The following ALMS1 variants were observed in gnomAD, a reference collection of about 807,000 sequenced individuals.
ALMS1 encodes the protein centrosome-associated protein ALMS1.
Under a neutral mutation model 352.2 loss-of-function variants are expected in ALMS1, and 271 were observed. The observed-to-expected ratio is 0.77, with a 90% CI of 0.70 to 0.85. The LOEUF (loss-of-function observed/expected upper bound fraction) is 0.85, where lower values mean the gene tolerates loss of function less well. Among genes scored for constraint, ALMS1 ranks in the 40% least tolerant of loss-of-function variants. The pLI is 0.00. For synonymous variants in ALMS1, 1,865 were observed against 1,761.2 expected, an observed-to-expected ratio of 1.06 and a Z score of -1.48; for missense variants, 5,445 against 4,870.7, an observed-to-expected ratio of 1.12 and a Z score of -3.51.
At chr2:73,609,147 C>T (rs1282121358) in intron 22 of ALMS1, among the ~76,000 whole-genome samples, 1 of 152,236 alleles carries the variant, frequency 6.6e-6, no homozygotes, top group Admixed American at 6.5e-5. Flanking sequence ...CCATATACTT[C>T]ACTGTAGTTG....
chr2:73,485,338 G>C (rs1024498363), intron 9 of ALMS1, among the ~76,000 whole-genome samples: 6 of 152,092 alleles, frequency 3.9e-5, no homozygotes, highest in African/African-American at 1.2e-4. Context: ...CCTGCCGTGT[G>C]AGGTGTCAGT....
At chr2:73,400,078 C>T (rs1670843674) in intron 1 of ALMS1, among the ~76,000 whole-genome samples, 1 of 151,896 alleles carries the variant, frequency 6.6e-6, no homozygotes, top group Non-Finnish European at 1.5e-5. Flanking sequence ...ACTGGGACCA[C>T]AGGCATGTGC....
intron 20 of ALMS1, among the ~76,000 whole-genome samples, chr2:73,602,581 C>T (rs970096592): frequency 6.6e-6 from 1 of 152,220 alleles, no homozygotes; most frequent in African/African-American, 2.4e-5. Context: ...TTACTCTAAG[C>T]CCTGTCACTG....
intron 2 of ALMS1, among the ~76,000 whole-genome samples, chr2:73,411,496 G>A (rs951041123): frequency 2.0e-5 from 3 of 152,090 alleles, no homozygotes; most frequent in African/African-American, 7.2e-5. Flanking sequence ...TTCTCTGAGG[G>A]CATATTTTTG....
intron 10 of ALMS1, among the ~76,000 whole-genome samples, chr2:73,516,752 CT>C (rs1485554777): frequency 2.0e-5 from 3 of 152,194 alleles, no homozygotes; most frequent in Admixed American, 2.0e-4. Context: ...CATTAGTACT[CT>C]TGCAAATAAT....
intron 11 of ALMS1, 148 bp from the exon 12 acceptor site, chr2:73,534,676 T>C: frequency 1.3e-6 from 1 of 751,720 alleles, no homozygotes; most frequent in South Asian, 1.8e-5. Context: ...ATTCTCATTC[T>C]TCTTGAAGGC....
chr2:73,390,937 A>G (rs1369677427), intron 1 of ALMS1, among the ~76,000 whole-genome samples: 1 of 151,388 alleles, frequency 6.6e-6, no homozygotes, highest in Admixed American at 6.6e-5. Context: ...TGCCCAGCTA[A>G]TTTTTGTATT....
chr2:73,495,775 C>T (rs930954325), intron 10 of ALMS1, among the ~76,000 whole-genome samples: 1 of 152,070 alleles, frequency 6.6e-6, no homozygotes, highest in African/African-American at 2.4e-5. Flanking sequence ...AGTACAGATC[C>T]ACAAGGTTGA....
chr2:73,451,872 C>T lies in ALMS1; in HGVS notation c.5345C>T (p.Ala1782Val), dbSNP rs768400824. Residue 1782 changes from alanine (A) to valine (V), a missense_variant, in exon 8 of 23, where the codon GCT (alanine) becomes GTT (valine). Transcript: ENST00000613296. ...CCAGATAGTCATCTAACTGAAGAGG[C>T]TCTGAAAGTTTCAAATGTTCCTGGA... ...ELPDSHLTEE[A>V]LKVSNVPGPA... 9.3e-6 allele frequency: 15 copies of T among 1,613,542 alleles called. 1 individual carries two copies. The highest frequency in any genetic ancestry group is 2.2e-5 in the South Asian group (2 of 91,058).
At chr2:73,479,257 A>AT (rs1672646178) in intron 9 of ALMS1, among the ~76,000 whole-genome samples, 1 of 152,230 alleles carries the variant, frequency 6.6e-6, no homozygotes, top group South Asian at 2.1e-4. Flanking sequence ...AACATCTTGC[A>AT]TAACTGTGGT....
intron 9 of ALMS1, among the ~76,000 whole-genome samples, chr2:73,480,622 C>T (rs1405112850): frequency 6.6e-6 from 1 of 151,480 alleles, no homozygotes; most frequent in African/African-American, 2.4e-5. Context: ...AATGGTATTT[C>T]TAGTTCTAGA....
In ALMS1 at chr2:73,497,586, C is replaced by T. The variant is rs143926598; in HGVS notation, c.9539+6088C>T. 1.4e-3 allele frequency among the ~76,000 whole-genome samples: 211 copies of T among 151,914 alleles called. 4 individuals are homozygous for T. In the South Asian group the frequency reaches 0.02, roughly 15 times the overall value. ...CTGTACTCTATGAAGTGTATAATAGCGTTATGTCTAAAAAAATGTACCTAC... is the reference window on the plus strand; with the variant it reads ...CTGTACTCTATGAAGTGTATAATAGTGTTATGTCTAAAAAAATGTACCTAC... On this transcript the variant is annotated intron_variant, in intron 10 of 22. Coordinates refer to ENST00000613296, the MANE Select transcript of ALMS1 (RefSeq NM_001378454.1).
At position 73,484,406 on chromosome 2, in the gene ALMS1, C is replaced by G. The variant is rs762505995; in HGVS notation, c.7675-5228C>G. On this transcript the variant is annotated intron_variant, in intron 9 of 22. Transcript: ENST00000613296. Reference sequence around the variant, plus strand: ...TAAGAATGTTGAATATTGGCCCCCACTCTCTTCTGGCTTATAGGGTTTCTG... The same window carrying G: ...TAAGAATGTTGAATATTGGCCCCCAGTCTCTTCTGGCTTATAGGGTTTCTG... Among the ~76,000 whole-genome samples, 1,390 of 151,436 alleles carry G rather than the reference C, an allele frequency of 9.2e-3. 8 individuals carry two copies. The highest frequency in any genetic ancestry group is 0.016 in the Non-Finnish European group (1,060 of 67,826).
intron 15 of ALMS1, among the ~76,000 whole-genome samples, chr2:73,563,829 C>T (rs1416287556): frequency 5.3e-5 from 8 of 150,168 alleles, no homozygotes; most frequent in South Asian, 2.1e-4. Flanking sequence ...GGGGATTGGA[C>T]GGTGGAATTT....
In ALMS1 at chr2:73,573,096, C is replaced by T. The variant is rs948097402; in HGVS notation, c.11219C>T (p.Ser3740Leu). 6.2e-7 allele frequency: 1 copy of T among 1,613,924 alleles called. No homozygotes were observed. Among genetic ancestry groups the T allele is most frequent in the African/African-American group, 1.3e-5 (1 of 74,914 alleles). Residue 3740 changes from serine to leucine, a missense_variant, in exon 16 of 23, where the codon TCA becomes TTA. Physicochemically the swap from Ser to Leu is moderately radical, Grantham distance 145. Coordinates refer to ENST00000613296, the MANE Select transcript of ALMS1 (RefSeq NM_001378454.1). Reference protein sequence around the residue: ...ISNTSSDCRPSEESELLTDTT... With the variant: ...ISNTSSDCRPLEESELLTDTT... Reference sequence around the variant, plus strand: ...AACACTTCTTCGGATTGTCGGCCCTCAGAGGAGAGTGAGCTGCTCACAGAT... The same window carrying T: ...AACACTTCTTCGGATTGTCGGCCCTTAGAGGAGAGTGAGCTGCTCACAGAT...
chr2:73,606,046 A>T (rs961244083), intron 21 of ALMS1, among the ~76,000 whole-genome samples: 5 of 152,192 alleles, frequency 3.3e-5, no homozygotes, highest in African/African-American at 4.8e-5. Flanking sequence ...AGAAGCAGAT[A>T]CAAGTCCAGC....
intron 1 of ALMS1, among the ~76,000 whole-genome samples, chr2:73,389,644 C>T (rs888950571): frequency 2.0e-5 from 3 of 152,130 alleles, no homozygotes; most frequent in African/African-American, 7.2e-5. Flanking sequence ...CCCTCTTTTA[C>T]TACAGCCAAT....
At chr2:73,519,635 T>A (rs2103961464) in intron 10 of ALMS1, 140 bp from the exon 11 acceptor site, 1 of 1,074,240 alleles carries the variant, frequency 9.3e-7, no homozygotes, top group East Asian at 2.5e-5. Context: ...AAATTTTACC[T>A]TAATAACGTT....
Position 73,484,039 on chromosome 2 carries a change from T to G in ALMS1, c.7675-5595T>G, listed in dbSNP as rs765102920. ...TGACTCTTTATCCAATTTGCCAGTC[T>G]TTGCCTTTTAATTGGAGCATTTAGT... is the stretch of plus-strand genomic sequence containing the variant. On this transcript the variant is annotated intron_variant, in intron 9 of 22. Transcript: ENST00000613296. Among the ~76,000 whole-genome samples, 249 of 151,954 alleles carry G rather than the reference T, an allele frequency of 1.6e-3. 1 individual carries two copies. The highest frequency in any genetic ancestry group is 3.1e-3 in the Non-Finnish European group (212 of 68,022).
Sources: allele counts gnomAD v4.1 joint callset (sites outside exome capture counted in the v4.1 genomes callset), GRCh38; gene constraint gnomAD v4.1.1; transcripts MANE v1.5; gene names NCBI Gene and HGNC (gene_info 2026-07-23, HGNC 2026-07-21).